DOCK10: variants seen among roughly 807,000 people sequenced by gnomAD.
The protein encoded by DOCK10 is dedicator of cytokinesis 10.
DOCK10 carries 145 observed loss-of-function variants against 280.1 expected under a neutral mutation model. The ratio of observed to expected loss-of-function variants is 0.52; its 90% CI spans 0.45 to 0.59. DOCK10 has a LOEUF of 0.59. Among genes scored for constraint, DOCK10 ranks in the 20% least tolerant of loss-of-function variants. The pLI is 0.00. For missense variants in DOCK10, 2,368 were observed against 2,651.7 expected, an observed-to-expected ratio of 0.89 and a Z score of 2.35; for synonymous variants, 915 against 942.2, an observed-to-expected ratio of 0.97 and a Z score of 0.53.
At chr2:225,000,155 C>T (rs1009707159) in intron 1 of DOCK10, among the ~76,000 whole-genome samples, 1 of 152,046 alleles carries the variant, frequency 6.6e-6, no homozygotes, top group African/African-American at 2.4e-5. Flanking sequence ...AGGCTATGTT[C>T]TATCATTTAT....
intron 50 of DOCK10, among the ~76,000 whole-genome samples, chr2:224,779,147 T>G (rs1248670406): frequency 6.6e-6 from 1 of 152,108 alleles, no homozygotes; most frequent in Non-Finnish European, 1.5e-5. Flanking sequence ...CACAGAAGCA[T>G]ATTTCCTGTG....
chr2:224,770,700 C>T lies in DOCK10; in HGVS notation c.6205-55G>A, dbSNP rs1690380219. The stretch of plus-strand genomic sequence containing the variant: ...TCTACCTTCTGCATGGAGTCTTTTC[C>T]ACCGCTGGAAGAGGAGCAACTGTGC... On this transcript the variant is annotated intron_variant, in intron 53 of 55. Coordinates refer to ENST00000258390, the MANE Select transcript of DOCK10 (RefSeq NM_014689.3). The surrounding 1 kb of genome is among the most constrained non-coding windows in gnomAD (Gnocchi z 4.5). The T allele has an allele frequency of 1.5e-6, 2 of 1,323,966 alleles. No individual in the cohort carries two copies. Among genetic ancestry groups the T allele is most frequent in the Non-Finnish European group, 2.2e-6 (2 of 917,576 alleles). 82.0% of individuals were successfully genotyped at this position (1,323,966 alleles called of 1,614,324 possible). A position where few individuals can be genotyped will look rare whatever the true frequency, so the allele number is the denominator to read the frequency against.
At position 224,765,832 on chromosome 2, in the gene DOCK10, C is replaced by G. The variant is rs754401157; in HGVS notation, c.6450G>C (p.Thr2150=). 1 of 1,612,578 alleles carries G rather than the reference C, an allele frequency of 6.2e-7. No homozygotes were observed. Among genetic ancestry groups the G allele is most frequent in the Admixed American group, 1.7e-5 (1 of 59,878 alleles). The change falls in exon 56 of 56, where the codon ACG becomes ACC. Residue 2150 remains threonine (T), a synonymous_variant. Transcript: ENST00000258390. ...CGCGCTTTGACAGGTCGTCCCTGCCCGTAATCTTAAAACAGGGAAAAACAC... is the reference window on the plus strand; with the variant it reads ...CGCGCTTTGACAGGTCGTCCCTGCCGGTAATCTTAAAACAGGGAAAAACAC... The part of the protein sequence containing the change: ...ELSTVMNEQI[T]GRDDLSKRGV...
intron 1 of DOCK10, among the ~76,000 whole-genome samples, chr2:224,941,217 G>C (rs1703048333): frequency 6.9e-6 from 1 of 145,824 alleles, no homozygotes; most frequent in Non-Finnish European, 1.5e-5. Flanking sequence ...TTTTTTAGAT[G>C]AGTAAGCTTG....
At chr2:224,855,138 C>A in intron 15 of DOCK10, 96 bp from the exon 16 acceptor site, 1 of 760,392 alleles carries the variant, frequency 1.3e-6, no homozygotes. Context: ...AAGCAGTCAT[C>A]TATAATTCTG....
intron 1 of DOCK10, among the ~76,000 whole-genome samples, chr2:225,028,580 T>C (rs1166559046): frequency 2.0e-5 from 3 of 152,204 alleles, no homozygotes; most frequent in Non-Finnish European, 2.9e-5. Flanking sequence ...TAGTCTGTTA[T>C]TGCAGCAACA....
At chr2:224,876,250 G>A in intron 7 of DOCK10, 29 bp from the exon 8 acceptor site, 1 of 1,542,968 alleles carries the variant, frequency 6.5e-7, no homozygotes, top group Non-Finnish European at 8.8e-7. Flanking sequence ...GAAAGAAAAA[G>A]AGAATACCAA....
intron 1 of DOCK10, among the ~76,000 whole-genome samples, chr2:225,017,898 T>G (rs1689661182): frequency 6.6e-6 from 1 of 152,148 alleles, no homozygotes; most frequent in Non-Finnish European, 1.5e-5. Flanking sequence ...TATTTATAAT[T>G]TCATCTGTTC....
intron 50 of DOCK10, among the ~76,000 whole-genome samples, chr2:224,783,662 G>A (rs75446214): frequency 6.6e-6 from 1 of 152,052 alleles, no homozygotes; most frequent in Non-Finnish European, 1.5e-5. Context: ...TGAGGAGTCT[G>A]AAAGAAGAAT....
chr2:224,899,005 A>G (rs1444399390), intron 3 of DOCK10, among the ~76,000 whole-genome samples: 2 of 152,204 alleles, frequency 1.3e-5, no homozygotes, highest in Non-Finnish European at 2.9e-5. Flanking sequence ...TTTCATGGTT[A>G]TAATTCTTTC....
chr2:224,816,625 T>C lies in DOCK10; in HGVS notation c.3356A>G (p.Asn1119Ser). ...IPLCLPIRSA[N>S]IPDPLTPSES... ...TCTGGGAATTTTATTACCTGGAATG[T>C]TTGCTGATCTTATGGGCAGACACAA... is the stretch of plus-strand genomic sequence containing the variant. The change falls in exon 30 of 56, where the codon AAC becomes AGC. Residue 1119 changes from asparagine to serine, a missense_variant. By Grantham distance (46) the Asn-to-Ser change is conservative. This residue lies in a region of DOCK10 where 1,159 missense variants were observed against 1,400.8 expected (regional missense o/e 0.83). Coordinates refer to ENST00000258390, the MANE Select transcript of DOCK10 (RefSeq NM_014689.3). 1.9e-6 allele frequency: 3 copies of C among 1,594,854 alleles called. No homozygotes were observed. The highest frequency in any genetic ancestry group is 2.6e-6 in the Non-Finnish European group (3 of 1,165,748).
intron 3 of DOCK10, among the ~76,000 whole-genome samples, chr2:224,897,417 T>C (rs1020550467): frequency 3.9e-5 from 6 of 152,216 alleles, no homozygotes; most frequent in Non-Finnish European, 5.9e-5. Flanking sequence ...CATCCAATTA[T>C]ACTCTTTTAG....
Position 224,805,162 on chromosome 2 carries a change from TTTTC to T in DOCK10, c.4051+40_4052-39del, listed in dbSNP as rs1363704837. ...ACCAGGTAGTATGAGAATCTGAAGG[TTTTC>T]TTTTTCCTTTTTTCAAAAAAATTAA... On this transcript the variant is annotated intron_variant, in intron 36 of 55. Transcript: ENST00000258390. The surrounding 1 kb of genome is among the most constrained non-coding windows in gnomAD (Gnocchi z 4.3). The T allele has an allele frequency of 6.2e-7, 1 of 1,601,018 alleles. No homozygotes were observed. The highest frequency in any genetic ancestry group is 8.5e-7 in the Non-Finnish European group (1 of 1,175,898).
chr2:224,936,849 A>G (rs1702721763), intron 1 of DOCK10, among the ~76,000 whole-genome samples: 1 of 152,132 alleles, frequency 6.6e-6, no homozygotes, highest in African/African-American at 2.4e-5. Context: ...AAACTATCAT[A>G]TGTTCATGGA....
At chr2:225,006,458 C>A (rs1398110998) in intron 1 of DOCK10, among the ~76,000 whole-genome samples, 4 of 152,198 alleles carry the variant, frequency 2.6e-5, no homozygotes, top group Non-Finnish European at 2.9e-5. Context: ...ACATACCTCC[C>A]ATTTATGTTT....
At chr2:224,893,327 A>G (rs1376483250) in intron 4 of DOCK10, 1 of 161,788 alleles carries the variant, frequency 6.2e-6, no homozygotes, top group African/African-American at 2.4e-5. Context: ...TTTATTAAAA[A>G]AAAAACAAAA....
At chr2:224,771,867 C>T (rs189449302) in intron 53 of DOCK10, among the ~76,000 whole-genome samples, 7 of 151,348 alleles carry the variant, frequency 4.6e-5, no homozygotes, top group Non-Finnish European at 5.9e-5. Context: ...AGGTAGGGAA[C>T]GGGAGAGTGT....
rs1694657109 is a variant in DOCK10, at chr2:224,823,668, A to G, written c.3037-21T>C. ...GGAAGCTAAGGAAAGAACGGATTAT[A>G]TCTTTCTAATGTGGCATGTGAAATA... On this transcript the variant is annotated intron_variant, in intron 27 of 55. Transcript: ENST00000258390. 6 of 1,562,218 alleles carry G rather than the reference A, an allele frequency of 3.8e-6. No individual in the cohort carries two copies. The Admixed American group carries it at 6.2e-5, about 16-fold the overall frequency.
chr2:224,816,735 T>C (rs1694156506), intron 29 of DOCK10, 22 bp from the exon 30 acceptor site: 1 of 1,318,530 alleles, frequency 7.6e-7, no homozygotes, highest in African/African-American at 1.5e-5. Flanking sequence ...GCAAACTAAA[T>C]GACTATGACT....
Sources: allele counts gnomAD v4.1 joint callset (sites outside exome capture counted in the v4.1 genomes callset), GRCh38; gene constraint gnomAD v4.1.1; regional missense constraint gnomAD v4.1.1; non-coding constraint Gnocchi (gnomAD v3.1); transcripts MANE v1.5; gene names NCBI Gene and HGNC (gene_info 2026-07-23, HGNC 2026-07-21).